The following PCNX3 variants were observed in gnomAD, a reference collection of about 807,000 sequenced individuals.
The protein encoded by PCNX3 is pecanex-like protein 3.
A neutral mutation model predicts 207.2 loss-of-function variants in PCNX3; 58 were observed. The observed-to-expected ratio is 0.28, with a 90% confidence interval of 0.23 to 0.35. The LOEUF (loss-of-function observed/expected upper bound fraction) is 0.35, where lower values mean the gene tolerates loss of function less well. Ranked by LOEUF, PCNX3 falls within the 10% of genes least tolerant of loss-of-function variation. PCNX3 has a pLI of 1.00. For synonymous variants in PCNX3, 1,337 were observed against 1,183.5 expected (o/e 1.13, Z -2.66); for missense variants, 2,410 against 2,774.4 (o/e 0.87, Z 2.95).
chr11:65,619,332 G>A (rs563427615), intron 6 of PCNX3: 1 of 627,506 alleles, frequency 1.6e-6, no homozygotes, highest in East Asian at 1.4e-4. Context: ...CCCACCACCA[G>A]TGGGGTGGGG....
At position 65,634,202 on chromosome 11, in the gene PCNX3, G is replaced by A. The variant is rs1188945288; in HGVS notation, c.4547G>A (p.Arg1516Lys). The A allele has an allele frequency of 1.2e-6, 2 of 1,613,530 alleles. No homozygotes were observed. Among genetic ancestry groups the A allele is most frequent in the South Asian group, 2.2e-5 (2 of 91,050 alleles). ...CATGAGGGCATCACGGCAGCCCTGA[G>A]GCCTGTGCGGGTGCCCGGCTATGCC... Reference protein sequence around the residue: ...LSHEGITAALRPVRVPGYADS... With the variant: ...LSHEGITAALKPVRVPGYADS... Residue 1516 changes from arginine to lysine, a missense_variant, in exon 28 of 35, where the codon AGG becomes AAG. Coordinates refer to ENST00000355703, the MANE Select transcript of PCNX3 (RefSeq NM_032223.4).
In PCNX3 at chr11:65,628,938, C is replaced by T. The variant is rs1855510735; in HGVS notation, c.3931C>T (p.Arg1311Cys). The T allele has an allele frequency of 1.2e-6, 2 of 1,611,704 alleles. No homozygotes were observed. Among genetic ancestry groups the T allele is most frequent in the Non-Finnish European group, 1.7e-6 (2 of 1,179,808 alleles). The change falls in exon 24 of 35, where the codon CGC becomes TGC. Residue 1311 changes from arginine (R) to cysteine (C), a missense_variant. By Grantham distance (180) the Arg-to-Cys change is radical. Coordinates refer to ENST00000355703, the MANE Select transcript of PCNX3 (RefSeq NM_032223.4). ...CGCTCGGCCCCTCAAGTTCTGGGAG[C>T]GCGACTACAAGTGAGTCTCACAGGA... is the stretch of plus-strand genomic sequence containing the variant. ...SYARPLKFWE[R>C]DYNTKRVDHS...
At chr11:65,634,380 G>A in intron 28 of PCNX3, 24 bp downstream of exon 28, 3 of 1,551,542 alleles carry the variant, frequency 1.9e-6, no homozygotes, top group South Asian at 1.2e-5. Context: ...ACCTGAGGCT[G>A]CCACCTGGGG....
chr11:65,634,944 C>T (rs770193919), intron 29 of PCNX3, 29 bp from the exon 30 acceptor site: 9 of 1,598,808 alleles, frequency 5.6e-6, no homozygotes, highest in South Asian at 5.6e-5. Flanking sequence ...ACACCCCTCT[C>T]TCCCCTCCCT....
chr11:65,617,727 C>T (rs376622684), intron 5 of PCNX3, 21 bp downstream of exon 5: 16 of 1,551,582 alleles, frequency 1.0e-5, no homozygotes, highest in East Asian at 4.9e-5. Context: ...CTTATGGGGC[C>T]GAGGCTTGTG....
At chr11:65,636,070 C>G in intron 32 of PCNX3, 104 bp from the exon 33 acceptor site, 1 of 1,483,888 alleles carries the variant, frequency 6.7e-7, no homozygotes, top group Non-Finnish European at 9.2e-7. Context: ...TCCTGGGGCT[C>G]AGAGGTGTTA....
At chr11:65,632,250 C>T (rs772560199) in intron 27 of PCNX3, among the ~76,000 whole-genome samples, 1 of 151,106 alleles carries the variant, frequency 6.6e-6, no homozygotes. Context: ...GGGGTGGCTC[C>T]GCTGAGGATG....
In PCNX3 at chr11:65,635,195, CCT is replaced by C. The variant is rs768326701; in HGVS notation, c.4954-22_4954-21del. On this transcript the variant is annotated intron_variant, in intron 30 of 34. Transcript: ENST00000355703. The surrounding 1 kb of genome is among the most constrained non-coding windows in gnomAD (Gnocchi z 9.9). ...CTCTCCAGGGCAGGGGCCACTGACC[CCT>C]GTTCCCGTCTTCTCTACCAGGACCA... The C allele has an allele frequency of 1.3e-6, 2 of 1,594,656 alleles. No individual in the cohort carries two copies. Among genetic ancestry groups the C allele is most frequent in the African/African-American group, 1.3e-5 (1 of 74,660 alleles).
chr11:65,634,148 G>A lies in PCNX3; in HGVS notation c.4493G>A (p.Arg1498His), dbSNP rs755113489. 12 of 1,612,530 alleles carry A rather than the reference G, an allele frequency of 7.4e-6. No homozygotes were observed. The South Asian group carries it at 8.8e-5, about 12-fold the overall frequency. ...CAGAGCATCATCTACTACGTGAGCC[G>A]CTCACCAAAGCTGGAGGTGTGGCTC... ...YVKSIIYYVSRSPKLEVWLSH... is the reference protein window; with the variant it reads ...YVKSIIYYVSHSPKLEVWLSH... The change falls in exon 28 of 35, where the codon CGC (arginine) becomes CAC (histidine). Residue 1498 changes from arginine to histidine, a missense_variant. This residue lies in a region of PCNX3 where 420 missense variants were observed against 705.3 expected (regional missense o/e 0.60). Coordinates refer to ENST00000355703, the MANE Select transcript of PCNX3 (RefSeq NM_032223.4).
At chr11:65,628,562 T>C in intron 22 of PCNX3, 33 bp from the exon 23 acceptor site, 1 of 1,597,738 alleles carries the variant, frequency 6.3e-7, no homozygotes, top group Non-Finnish European at 8.6e-7. Context: ...TGACCCTGCA[T>C]GTCTTTTTTC....
At chr11:65,617,051 T>C in intron 2 of PCNX3, 40 bp downstream of exon 2, 1 of 1,554,140 alleles carries the variant, frequency 6.4e-7, no homozygotes. Context: ...TGAGGGTTTT[T>C]GGTGCCTGGG....
At chr11:65,628,045 G>C (rs1010676487) in intron 22 of PCNX3, among the ~76,000 whole-genome samples, 2 of 152,152 alleles carry the variant, frequency 1.3e-5, no homozygotes, top group African/African-American at 4.8e-5. Context: ...TTTGAACTAA[G>C]GAACCATGCT....
chr11:65,626,847 C>T (rs770627117), intron 20 of PCNX3, 57 bp from the exon 21 acceptor site: 14 of 1,554,062 alleles, frequency 9.0e-6, no homozygotes, highest in Admixed American at 1.9e-5. Flanking sequence ...GGAAGGACTT[C>T]CTCAGGGAAG....
In PCNX3 at chr11:65,625,911, T is replaced by A; in HGVS notation, c.3236T>A (p.Leu1079Gln). 6.2e-7 allele frequency: 1 copy of A among 1,613,404 alleles called. No individual in the cohort carries two copies. Among genetic ancestry groups the A allele is most frequent in the Non-Finnish European group, 8.5e-7 (1 of 1,179,508 alleles). ...STVFIALKSV[L>Q]GFVLYALAGA... ...GGCCTCTCCCTCCTGCAGTCGGTGC[T>A]GGGTTTCGTGTTGTACGCACTGGCT... Residue 1079 changes from leucine (L) to glutamine (Q), a missense_variant, in exon 20 of 35, where the codon CTG (leucine) becomes CAG (glutamine). By Grantham distance (113) the Leu-to-Gln change is moderately radical (BLOSUM62 -2). Transcript: ENST00000355703. The surrounding 1 kb of genome is among the most constrained non-coding windows in gnomAD (Gnocchi z 5.6).
At position 65,635,348 on chromosome 11, in the gene PCNX3, C is replaced by T. The variant is rs371964481; in HGVS notation, c.5084C>T (p.Thr1695Met). 71 of 1,610,578 alleles carry T rather than the reference C, an allele frequency of 4.4e-5. No individual in the cohort carries two copies. Among genetic ancestry groups the T allele is most frequent in the East Asian group, 2.0e-4 (9 of 44,688 alleles). The change falls in exon 31 of 35, where the codon ACG becomes ATG. Residue 1695 changes from threonine to methionine, a missense_variant. This residue lies in a region of PCNX3 where 420 missense variants were observed against 705.3 expected (regional missense o/e 0.60). Coordinates refer to ENST00000355703, the MANE Select transcript of PCNX3 (RefSeq NM_032223.4). The surrounding 1 kb of genome is among the most constrained non-coding windows in gnomAD (Gnocchi z 9.9). The stretch of plus-strand genomic sequence containing the variant: ...TGGCGCAGCGCCATCCTCAGCAACA[C>T]GCCCTCCCTGCTGGCGCTGCGCCAT... Reference protein sequence around the residue: ...PAWRSAILSNTPSLLALRHVL... With the variant: ...PAWRSAILSNMPSLLALRHVL...
chr11:65,636,391 G>A lies in PCNX3; in HGVS notation c.5594G>A (p.Gly1865Asp). The A allele has an allele frequency of 6.4e-7, 1 of 1,565,690 alleles. No individual in the cohort carries two copies. The change falls in exon 34 of 35, where the codon GGC (glycine) becomes GAC (aspartate). Residue 1865 changes from glycine to aspartate, a missense_variant and splice_region_variant. By Grantham distance (94) the Gly-to-Asp change is moderately conservative (BLOSUM62 -1). Coordinates refer to ENST00000355703, the MANE Select transcript of PCNX3 (RefSeq NM_032223.4). ...CTGCTGTCTTATCTGTCTCCTACAG[G>A]CAATGGTGACCAACCCCTCCCACCA... is the stretch of plus-strand genomic sequence containing the variant. ...VAHPTPENTAGNGDQPLPPGP... is the reference protein window; with the variant it reads ...VAHPTPENTADNGDQPLPPGP...
chr11:65,627,148 G>A (rs906650116), intron 21 of PCNX3, 100 bp downstream of exon 21: 2 of 1,418,096 alleles, frequency 1.4e-6, no homozygotes, highest in African/African-American at 2.9e-5. Context: ...GTCTAAGGTT[G>A]TTTAGCAAGC....
Position 65,625,434 on chromosome 11 carries a change from A to C in PCNX3, c.3059A>C (p.Glu1020Ala). 1 of 1,603,570 alleles carries C rather than the reference A, an allele frequency of 6.2e-7. No homozygotes were observed. Among genetic ancestry groups the C allele is most frequent in the Non-Finnish European group, 8.5e-7 (1 of 1,178,628 alleles). Reference protein sequence around the residue: ...WSLIRSKLFPELEERSLETAR... With the variant: ...WSLIRSKLFPALEERSLETAR... ...CTGATCCGGAGCAAGCTGTTCCCTGAGCTGGAGGAGCGCAGCTTGGAGACA... is the reference window on the plus strand; with the variant it reads ...CTGATCCGGAGCAAGCTGTTCCCTGCGCTGGAGGAGCGCAGCTTGGAGACA... The change falls in exon 18 of 35, where the codon GAG becomes GCG. Residue 1020 changes from glutamate to alanine, a missense_variant. By Grantham distance (107) the Glu-to-Ala change is moderately radical. Around this residue, in one of 8 missense-constraint regions of PCNX3, gnomAD observed 333 missense variants for 386.8 expected, o/e 0.86. Coordinates refer to ENST00000355703, the MANE Select transcript of PCNX3 (RefSeq NM_032223.4). The surrounding 1 kb of genome is among the most constrained non-coding windows in gnomAD (Gnocchi z 5.6).
Position 65,618,524 on chromosome 11 carries a change from C to T in PCNX3, c.1162C>T (p.Leu388=). ...GGTCGTGCGGCCCAAGGACTTGGCC[C>T]TGCTACGGCCTAGCAAACGGCAGCC... The part of the protein sequence containing the change: ...LLVVRPKDLA[L]LRPSKRQPPL... The change falls in exon 6 of 35, where the codon CTG becomes TTG. Residue 388 remains leucine, a synonymous_variant. Transcript: ENST00000355703. 2 of 1,611,184 alleles carry T rather than the reference C, an allele frequency of 1.2e-6. No homozygotes were observed. The highest frequency in any genetic ancestry group is 1.7e-6 in the Non-Finnish European group (2 of 1,179,012).
Sources: gnomAD v4.1 joint callset for allele counts (sites outside exome capture counted in the v4.1 genomes callset) on GRCh38, gnomAD v4.1.1 for gene constraint, gnomAD v4.1.1 regional missense constraint, Gnocchi (gnomAD v3.1) non-coding constraint, MANE v1.5 for transcripts, NCBI Gene and HGNC (gene_info 2026-07-23, HGNC 2026-07-21) for gene names.